The following CIAO2A variants were observed in gnomAD, a reference collection of about 807,000 sequenced individuals.
CIAO2A encodes MIP18 family protein FAM96A.
Under a neutral mutation model 22.4 loss-of-function variants are expected in CIAO2A, and 17 were observed. That is an observed-to-expected ratio of 0.76 (90% CI 0.52 to 1.14). The LOEUF (loss-of-function observed/expected upper bound fraction) is 1.14. Ranked by LOEUF, CIAO2A falls within the 50% of genes most tolerant of loss-of-function variation. The pLI is 0.00. For missense variants in CIAO2A, 192 were observed against 191.4 expected, an observed-to-expected ratio of 1.00 and a Z score of -0.02; for synonymous variants, 74 against 72.3, an observed-to-expected ratio of 1.02 and a Z score of -0.12.
intron 3 of CIAO2A, among the ~76,000 whole-genome samples, chr15:64,079,416 C>T (rs11631354): frequency 0.55 from 83,263 of 152,074 alleles, 27,480 homozygotes; most frequent in East Asian, 0.81. Flanking sequence ...TGGCAGTGCA[C>T]GCCTGTAGTC....
intron 2 of CIAO2A, 85 bp downstream of exon 2, chr15:64,088,602 T>C: frequency 1.1e-5 from 12 of 1,117,820 alleles, no homozygotes; most frequent in Non-Finnish European, 1.5e-5. Context: ...TTTTCAACAA[T>C]GATGCAAATT....
intron 2 of CIAO2A, among the ~76,000 whole-genome samples, chr15:64,088,329 G>A (rs1235012757): frequency 5.9e-5 from 9 of 152,128 alleles, no homozygotes; most frequent in Admixed American, 5.9e-4. Flanking sequence ...TCCATTAATT[G>A]TGGGCATATA....
intron 2 of CIAO2A, among the ~76,000 whole-genome samples, chr15:64,086,985 C>T (rs1161860626): frequency 1.7e-4 from 25 of 150,984 alleles, no homozygotes; most frequent in African/African-American, 6.1e-4. Context: ...GATCTCAGCT[C>T]ACTGCAACCT....
chr15:64,084,618 AATT>A (rs1311130454), intron 2 of CIAO2A, among the ~76,000 whole-genome samples: 1 of 151,936 alleles, frequency 6.6e-6, no homozygotes, highest in Non-Finnish European at 1.5e-5. Context: ...AAAAATACAA[AATT>A]AGCCAGGTGT....
At chr15:64,078,453 G>A (rs36053712) in intron 3 of CIAO2A, among the ~76,000 whole-genome samples, 1,623 of 152,110 alleles carry the variant, frequency 0.011, 15 homozygotes, top group Non-Finnish European at 0.015. Flanking sequence ...TGGCCAACAT[G>A]GCAAAACCCT....
intron 2 of CIAO2A, among the ~76,000 whole-genome samples, chr15:64,082,139 G>A (rs1567306281): frequency 6.6e-6 from 1 of 152,156 alleles, no homozygotes; most frequent in Non-Finnish European, 1.5e-5. Flanking sequence ...GTACCATTTG[G>A]TTTTCTAAGA....
At chr15:64,088,963 T>C in intron 1 of CIAO2A, 112 bp from the exon 2 acceptor site, 1 of 914,680 alleles carries the variant, frequency 1.1e-6, no homozygotes, top group Non-Finnish European at 1.6e-6. Flanking sequence ...AAGCAAATAG[T>C]ACAGCAACTC....
intron 1 of CIAO2A, among the ~76,000 whole-genome samples, chr15:64,092,841 T>G (rs1291121860): frequency 6.6e-6 from 1 of 152,180 alleles, no homozygotes; most frequent in Non-Finnish European, 1.5e-5. Context: ...TCAAAAACAA[T>G]ACAACATAAT....
At chr15:64,082,972 C>T (rs946888157) in intron 2 of CIAO2A, among the ~76,000 whole-genome samples, 4 of 151,774 alleles carry the variant, frequency 2.6e-5, no homozygotes, top group East Asian at 1.9e-4. Flanking sequence ...GAAGCCAAGG[C>T]GGGAGGACTG....
At chr15:64,079,971 G>A (rs927633779) in intron 3 of CIAO2A, among the ~76,000 whole-genome samples, 3 of 152,132 alleles carry the variant, frequency 2.0e-5, no homozygotes, top group Non-Finnish European at 4.4e-5. Flanking sequence ...ATAATAAAAA[G>A]ACATCCTTAT....
chr15:64,081,246 C>T lies in CIAO2A; in HGVS notation c.290-95G>A, dbSNP rs2080757471. ...ACTGCGTTTATGTGCCCCCATACAA[C>T]ACAGTTGCTGAAAACAGCTTTGGCT... On this transcript the variant is annotated intron_variant, in intron 2 of 4. Transcript: ENST00000300030. 1.2e-5 allele frequency: 14 copies of T among 1,186,872 alleles called. No individual in the cohort carries two copies. In the South Asian group the frequency reaches 1.9e-4, roughly 16 times the overall value. 73.5% of individuals were successfully genotyped at this position (1,186,872 alleles called of 1,614,324 possible).
rs111483577 is a variant in CIAO2A, at chr15:64,084,410, A to C, written c.290-3259T>G. Among the ~76,000 whole-genome samples, 800 of 152,282 alleles carry C rather than the reference A, an allele frequency of 5.3e-3. 6 individuals are homozygous for C. Among genetic ancestry groups the C allele is most frequent in the African/African-American group, 0.017 (689 of 41,542 alleles). On this transcript the variant is annotated intron_variant, in intron 2 of 4. Transcript: ENST00000300030. ...TATACCATGAGGCTTCAAAATACTT[A>C]CATAATCTAACCCAATTATTCCACG... is the stretch of plus-strand genomic sequence containing the variant.
At chr15:64,075,999 A>C (rs771200759) in intron 3 of CIAO2A, among the ~76,000 whole-genome samples, 17 of 151,998 alleles carry the variant, frequency 1.1e-4, no homozygotes, top group Non-Finnish European at 1.5e-4. Flanking sequence ...CATAGGGACA[A>C]ATCCCCCACA....
At chr15:64,081,535 C>CTTTTT in intron 2 of CIAO2A, among the ~76,000 whole-genome samples, 1 of 37,094 alleles carries the variant, frequency 2.7e-5, no homozygotes, top group Admixed American at 3.3e-4. Flanking sequence ...CTCATTAAGC[C>CTTTTT]TTTTTTTTTT....
intron 2 of CIAO2A, among the ~76,000 whole-genome samples, chr15:64,084,782 A>C (rs2080781186): frequency 2.0e-5 from 3 of 151,716 alleles, no homozygotes; most frequent in African/African-American, 7.3e-5. Flanking sequence ...AAAATAAATA[A>C]ATAAAAATAT....
At chr15:64,085,262 TG>T (rs1198306661) in intron 2 of CIAO2A, among the ~76,000 whole-genome samples, 2 of 152,058 alleles carry the variant, frequency 1.3e-5, no homozygotes, top group African/African-American at 4.8e-5. Context: ...TGGCCAGGTA[TG>T]GTGGCTCATG....
intron 2 of CIAO2A, among the ~76,000 whole-genome samples, chr15:64,084,667 G>A (rs1298101226): frequency 6.6e-6 from 1 of 152,112 alleles, no homozygotes; most frequent in Admixed American, 6.6e-5. Flanking sequence ...TGCTTGGGAG[G>A]CTGAGGCAGG....
intron 3 of CIAO2A, among the ~76,000 whole-genome samples, chr15:64,079,037 T>C (rs1406054813): frequency 6.7e-6 from 1 of 149,874 alleles, no homozygotes; most frequent in Non-Finnish European, 1.5e-5. Flanking sequence ...TGAGACCCTG[T>C]CTTTAAAAAA....
At chr15:64,088,115 A>G (rs1043857623) in intron 2 of CIAO2A, among the ~76,000 whole-genome samples, 1 of 152,214 alleles carries the variant, frequency 6.6e-6, no homozygotes, top group Non-Finnish European at 1.5e-5. Context: ...ATCCCTTTAT[A>G]ACAAAGCATA....
Sources: allele counts gnomAD v4.1 joint callset (sites outside exome capture counted in the v4.1 genomes callset), GRCh38; gene constraint gnomAD v4.1.1; transcripts MANE v1.5; gene names NCBI Gene and HGNC (gene_info 2026-07-23, HGNC 2026-07-21).